The following GET1 variants were observed in gnomAD, a reference collection of about 807,000 sequenced individuals.
GET1 encodes the protein guided entry of tail-anchored proteins factor 1.
A neutral mutation model predicts 22.6 loss-of-function variants in GET1; 20 were observed. That is an observed-to-expected ratio of 0.89 (90% confidence interval 0.62 to 1.29). The LOEUF (loss-of-function observed/expected upper bound fraction) is 1.29. Among genes scored for constraint, GET1 ranks in the 50% most tolerant of loss-of-function variants. The probability of loss-of-function intolerance (pLI) is 0.00; values close to 1 mark genes in which losing one functional copy is unlikely to be tolerated. For missense variants in GET1, 209 were observed against 219.9 expected (o/e 0.95, Z 0.31); for synonymous variants, 92 against 83.8 (o/e 1.10, Z -0.53).
At chr21:39,405,790 T>TA in intron 4 of GET1, 2 of 995,672 alleles carry the variant, frequency 2.0e-6, no homozygotes, top group Non-Finnish European at 2.8e-6. Flanking sequence ...CACACATACA[T>TA]ACACTCCCTC....
At position 39,387,762 on chromosome 21, in the gene GET1, C is replaced by G. The variant is rs2038013883; in HGVS notation, c.103-2936C>G. The G allele has an allele frequency of 4.1e-6, 4 of 985,466 alleles. No homozygotes were observed. The Admixed American group carries it at 1.8e-4, about 46-fold the overall frequency. 61.0% of individuals were successfully genotyped at this position (985,466 alleles called of 1,614,324 possible). A position where few individuals can be genotyped will look rare whatever the true frequency, so the allele number is the denominator to read the frequency against. ...ATCACTGGGCGGGTCAGAAACCACGCGCATGCGCAGACACCCTCAGGCGAC... is the reference window on the plus strand; with the variant it reads ...ATCACTGGGCGGGTCAGAAACCACGGGCATGCGCAGACACCCTCAGGCGAC... On this transcript the variant is annotated intron_variant, in intron 1 of 4. Coordinates refer to ENST00000649170, the MANE Select transcript of GET1 (RefSeq NM_004627.6).
intron 4 of GET1, among the ~76,000 whole-genome samples, chr21:39,404,384 A>G (rs945759886): frequency 6.6e-6 from 1 of 152,204 alleles, no homozygotes; most frequent in Non-Finnish European, 1.5e-5. Flanking sequence ...GGTGTACACA[A>G]GGAAAGCATC....
At chr21:39,411,886 T>A in intron 1 of GET1, 1 of 719,586 alleles carries the variant, frequency 1.4e-6, no homozygotes, top group Admixed American at 2.5e-5. Flanking sequence ...TTAAATGAGC[T>A]CAGTATCCTA....
intron 1 of GET1, among the ~76,000 whole-genome samples, chr21:39,381,141 A>G (rs1456401569): frequency 6.6e-6 from 1 of 152,258 alleles, no homozygotes; most frequent in African/African-American, 2.4e-5. Context: ...GCACTAAGTC[A>G]TCCACCTAGT....
chr21:39,428,503 C>T (rs1176349688), exon 2 of GET1: 4 of 1,474,064 alleles, frequency 2.7e-6, no homozygotes, highest in African/African-American at 1.5e-5. Flanking sequence ...TAGCAAACAA[C>T]CTAATAAAAG....
At chr21:39,420,943 T>C (rs2042194684) in intron 1 of GET1, 2 of 893,310 alleles carry the variant, frequency 2.2e-6, no homozygotes, top group African/African-American at 3.3e-5. Context: ...GTGCACATTT[T>C]CAATACAATT....
intron 1 of GET1, chr21:39,421,872 T>C (rs2147677104): frequency 6.6e-6 from 1 of 152,350 alleles, no homozygotes; most frequent in East Asian, 1.9e-4. Flanking sequence ...TAAGTGCTTT[T>C]TGTATCAAAG....
intron 3 of GET1, among the ~76,000 whole-genome samples, chr21:39,392,339 C>G (rs932223084): frequency 6.6e-6 from 1 of 152,144 alleles, no homozygotes; most frequent in Non-Finnish European, 1.5e-5. Flanking sequence ...TGCTCTGCCC[C>G]GAGAGTGCAG....
downstream of GET1, chr21:39,406,786 TG>T: frequency 1.9e-6 from 1 of 538,466 alleles, no homozygotes; most frequent in East Asian, 3.0e-5. Flanking sequence ...TATTAACAAA[TG>T]TGTTATGTTA....
rs995201549 is a variant in GET1, at chr21:39,380,329, G to T, written c.-56G>T. The T allele has an allele frequency of 1.9e-6, 3 of 1,550,500 alleles. No homozygotes were observed. Among genetic ancestry groups the T allele is most frequent in the East Asian group, 2.4e-5 (1 of 41,362 alleles). ...CCGCGCAGGCGCGGTCGCCGCTGTT[G>T]TTGTGGTCCCCATGGAGCTGCCGTA... On this transcript the variant is annotated 5_prime_UTR_variant, in exon 1 of 5. Coordinates refer to ENST00000649170, the MANE Select transcript of GET1 (RefSeq NM_004627.6).
chr21:39,418,119 C>G (rs2041616512), intron 1 of GET1, among the ~76,000 whole-genome samples: 1 of 152,142 alleles, frequency 6.6e-6, no homozygotes, highest in Admixed American at 6.5e-5. Flanking sequence ...TTCACTATCA[C>G]AAGAACAGCA....
downstream of GET1, among the ~76,000 whole-genome samples, chr21:39,401,729 A>G (rs2038844074): frequency 1.3e-5 from 2 of 152,190 alleles, no homozygotes; most frequent in Non-Finnish European, 1.5e-5. Flanking sequence ...GTTTATCCAC[A>G]GCATGTGCTC....
rs1054891382 is a variant in GET1, at chr21:39,384,716, C to T, written c.102+4230C>T. Among the ~76,000 whole-genome samples, 77 of 151,996 alleles carry T rather than the reference C, an allele frequency of 5.1e-4. 1 individual carries two copies. Among genetic ancestry groups the T allele is most frequent in the African/African-American group, 1.7e-3 (71 of 41,438 alleles). On this transcript the variant is annotated intron_variant, in intron 1 of 4. Transcript: ENST00000649170. ...ATTAGTTATTTTTCCTGATTGTCTC[C>T]CTCCCACCCCCTATCCTCCACCCTC...
chr21:39,408,920 G>A (rs2039581744), downstream of GET1, among the ~76,000 whole-genome samples: 1 of 152,238 alleles, frequency 6.6e-6, no homozygotes, highest in African/African-American at 2.4e-5. Context: ...TGCTCAGCTG[G>A]ATTTGAATAA....
At chr21:39,417,999 C>T (rs1330615030) in intron 1 of GET1, among the ~76,000 whole-genome samples, 1 of 152,184 alleles carries the variant, frequency 6.6e-6, no homozygotes, top group Non-Finnish European at 1.5e-5. Context: ...ATCTCCTGAC[C>T]TCGTGATCCA....
chr21:39,395,390 A>C (rs2146996857), intron 4 of GET1, among the ~76,000 whole-genome samples: 1 of 149,956 alleles, frequency 6.7e-6, no homozygotes, highest in Non-Finnish European at 1.5e-5. Flanking sequence ...TTTAAGACCG[A>C]GTCTCACTCT....
chr21:39,420,851 C>T (rs1324634670), intron 1 of GET1: 1 of 1,608,040 alleles, frequency 6.2e-7, no homozygotes, highest in Admixed American at 1.7e-5. Context: ...GCTCTGAAAA[C>T]AGTATATATT....
rs193093360 is a variant in GET1, at chr21:39,419,140, G to A, written c.*23+8203G>A. Among the ~76,000 whole-genome samples the A allele has an allele frequency of 1.5e-3, 225 of 151,888 alleles. 1 individual carries two copies. The highest frequency in any genetic ancestry group is 0.01 in the Middle Eastern group (3 of 294). ...TGAATTATCCAACTCGTCCAGCTCCGCCCCAACTCCTCACCCCCCACTATT... is the reference window on the plus strand; with the variant it reads ...TGAATTATCCAACTCGTCCAGCTCCACCCCAACTCCTCACCCCCCACTATT... On this transcript the variant is annotated intron_variant, in intron 1 of 1. Transcript: ENST00000478273.
chr21:39,423,223 G>A (rs1247730746), intron 1 of GET1: 2 of 1,611,306 alleles, frequency 1.2e-6, no homozygotes, highest in Admixed American at 3.4e-5. Context: ...CATAATTTGA[G>A]GTAGATTATT....
Sources: allele counts gnomAD v4.1 joint callset (sites outside exome capture counted in the v4.1 genomes callset), GRCh38; gene constraint gnomAD v4.1.1; transcripts MANE v1.5; gene names NCBI Gene and HGNC (gene_info 2026-07-23, HGNC 2026-07-21).